CCNE1: variants seen among roughly 807,000 people sequenced by gnomAD.
The protein encoded by CCNE1 is G1/S-specific cyclin-E1.
In CCNE1, 8 loss-of-function variants were observed where a neutral mutation model predicts 54.1. The observed-to-expected ratio is 0.15, with a 90% CI of 0.09 to 0.27. The LOEUF (loss-of-function observed/expected upper bound fraction) is 0.27. CCNE1 is among the 10% of genes least tolerant of loss of function. The pLI, the probability that CCNE1 is intolerant of heterozygous loss-of-function variation, is 1.00. For missense variants in CCNE1, 430 were observed against 514.9 expected (o/e 0.84, Z 1.60); for synonymous variants, 179 against 185.2 (o/e 0.97, Z 0.27).
intron 4 of CCNE1, among the ~76,000 whole-genome samples, chr19:29,815,742 C>T (rs1234403273): frequency 3.3e-5 from 5 of 150,986 alleles, no homozygotes; most frequent in Non-Finnish European, 4.4e-5. Context: ...GATTCTCCTG[C>T]TTCAGCCTCC....
chr19:29,820,636 T>A (rs1974125953), intron 6 of CCNE1, 66 bp from the exon 7 acceptor site: 1 of 532,694 alleles, frequency 1.9e-6, no homozygotes, highest in African/African-American at 5.5e-5. Flanking sequence ...TCATTACAAG[T>A]TTTTTTTTTT....
At chr19:29,813,624 C>A (rs1973944713) in intron 4 of CCNE1, among the ~76,000 whole-genome samples, 1 of 152,180 alleles carries the variant, frequency 6.6e-6, no homozygotes, top group Non-Finnish European at 1.5e-5. Flanking sequence ...TCAGCCTGAC[C>A]TCAGCAAGAG....
At chr19:29,820,969 C>T (rs906658488) in intron 7 of CCNE1, 121 bp downstream of exon 7, 5 of 740,206 alleles carry the variant, frequency 6.8e-6, no homozygotes, top group Non-Finnish European at 1.1e-5. Context: ...GATTTGCTAC[C>T]CTGTAAAGTT....
intron 1 of CCNE1, 131 bp from the exon 2 acceptor site, chr19:29,812,401 G>A (rs1973910507): frequency 1.9e-6 from 1 of 526,888 alleles, no homozygotes; most frequent in Non-Finnish European, 2.8e-6. Flanking sequence ...CGGGTGCCCG[G>A]GTCGCGGGTG....
chr19:29,821,849 T>A, intron 8 of CCNE1, 32 bp downstream of exon 8: 1 of 1,550,646 alleles, frequency 6.4e-7, no homozygotes, highest in Non-Finnish European at 8.9e-7. Flanking sequence ...GGCCATTTTT[T>A]AAATGCGTAC....
intron 7 of CCNE1, among the ~76,000 whole-genome samples, chr19:29,821,496 C>A (rs1467674080): frequency 1.3e-5 from 2 of 149,890 alleles, no homozygotes; most frequent in African/African-American, 4.9e-5. Context: ...AGAGTACCCA[C>A]AATGAGTCAA....
intron 6 of CCNE1, among the ~76,000 whole-genome samples, chr19:29,819,997 G>A (rs1974112031): frequency 6.6e-6 from 1 of 152,238 alleles, no homozygotes; most frequent in African/African-American, 2.4e-5. Flanking sequence ...CTTAAAGAAA[G>A]CACTTCACGG....
rs748914866 is a variant in CCNE1, at chr19:29,822,499, A to G, written c.1006A>G (p.Met336Val). ...NCVKWMVPFAMVIRETGSSKL... is the reference protein window; with the variant it reads ...NCVKWMVPFAVVIRETGSSKL... ...TGTCAAGTGGATGGTTCCATTTGCC[A>G]TGGTTATAAGGGAGACGGGGAGCTC... is the stretch of plus-strand genomic sequence containing the variant. The change falls in exon 11 of 12, where the codon ATG (methionine) becomes GTG (valine). Residue 336 changes from methionine to valine, a missense_variant. Physicochemically the swap from Met to Val is conservative, Grantham distance 21. Around this residue, in one of 2 missense-constraint regions of CCNE1, gnomAD observed 303 missense variants for 401.1 expected, o/e 0.76. Coordinates refer to ENST00000262643, the MANE Select transcript of CCNE1 (RefSeq NM_001238.4). 9 of 1,614,012 alleles carry G rather than the reference A, an allele frequency of 5.6e-6. No homozygotes were observed. Among genetic ancestry groups the G allele is most frequent in the South Asian group, 1.1e-5 (1 of 91,088 alleles).
intron 4 of CCNE1, 41 bp from the exon 5 acceptor site, chr19:29,817,096 T>C (rs764883335): frequency 3.1e-6 from 5 of 1,600,098 alleles, no homozygotes; most frequent in Non-Finnish European, 4.3e-6. Context: ...AAGAGCTGTT[T>C]GCATCTTATC....
At chr19:29,822,410 C>T in intron 10 of CCNE1, 36 bp from the exon 11 acceptor site, 1 of 1,613,932 alleles carries the variant, frequency 6.2e-7, no homozygotes, top group Non-Finnish European at 8.5e-7. Flanking sequence ...ATCCAGTTGT[C>T]AGCCTCAGAT....
chr19:29,812,441 T>C, intron 1 of CCNE1, 91 bp from the exon 2 acceptor site: 1 of 924,946 alleles, frequency 1.1e-6, no homozygotes. Context: ...GCCATCTTCC[T>C]GGCTCGCCCG....
chr19:29,820,901 A>G (rs1462486755), intron 7 of CCNE1, 53 bp downstream of exon 7: 7 of 1,402,154 alleles, frequency 5.0e-6, no homozygotes, highest in East Asian at 4.6e-5. Context: ...CTCGAGCTCC[A>G]CTGAGATTGG....
intron 7 of CCNE1, 106 bp from the exon 8 acceptor site, chr19:29,821,616 T>A: frequency 1.1e-5 from 5 of 439,398 alleles, no homozygotes; most frequent in Admixed American, 3.4e-5. Context: ...CAGTGCGCCC[T>A]CTCTCTTTCC....
At position 29,822,142 on chromosome 19, in the gene CCNE1, C is replaced by T. The variant is rs776335278; in HGVS notation, c.840+12C>T. 7 of 1,612,338 alleles carry T rather than the reference C, an allele frequency of 4.3e-6. No individual in the cohort carries two copies. Among genetic ancestry groups the T allele is most frequent in the East Asian group, 2.2e-5 (1 of 44,868 alleles). Reference sequence around the variant, plus strand: ...TACAGATTGCAGAGGTAAGTGGCTCCATCACGTCCGTGGGGCCACCTTCCC... The same window carrying T: ...TACAGATTGCAGAGGTAAGTGGCTCTATCACGTCCGTGGGGCCACCTTCCC... On this transcript the variant is annotated intron_variant, in intron 9 of 11. Coordinates refer to ENST00000262643, the MANE Select transcript of CCNE1 (RefSeq NM_001238.4).
Position 29,812,541 on chromosome 19 carries a change from C to G in CCNE1, c.-15C>G. 1 of 1,463,658 alleles carries G rather than the reference C, an allele frequency of 6.8e-7. No individual in the cohort carries two copies. The highest frequency in any genetic ancestry group is 9.0e-7 in the Non-Finnish European group (1 of 1,115,556). 90.7% of individuals were successfully genotyped at this position (1,463,658 alleles called of 1,614,324 possible). ...CCGCGCCGCCCCGCAGGCCTCAGGC[C>G]GGAGCAGCCCCATCATGCCGAGGGA... On this transcript the variant is annotated 5_prime_UTR_variant, in exon 2 of 12. Transcript: ENST00000262643.
At chr19:29,822,691 C>T in intron 11 of CCNE1, 88 bp downstream of exon 11, 1 of 1,394,420 alleles carries the variant, frequency 7.2e-7, no homozygotes, top group South Asian at 1.3e-5. Context: ...GGCCTGTAAA[C>T]CCAGCACTTT....
intron 7 of CCNE1, among the ~76,000 whole-genome samples, chr19:29,821,345 C>T (rs1439383787): frequency 6.6e-6 from 1 of 152,108 alleles, no homozygotes; most frequent in African/African-American, 2.4e-5. Flanking sequence ...CGAGATCCTA[C>T]CACTGCACTC....
Position 29,817,160 on chromosome 19 carries a change from T to G in CCNE1, c.204T>G (p.Cys68Trp), listed in dbSNP as rs1288643920. 1.9e-6 allele frequency: 3 copies of G among 1,614,116 alleles called. No individual in the cohort carries two copies. The change falls in exon 5 of 12, where the codon TGT becomes TGG. Residue 68 changes from cysteine to tryptophan, a missense_variant. This residue lies in a region of CCNE1 where 127 missense variants were observed against 113.8 expected (regional missense o/e 1.12). Coordinates refer to ENST00000262643, the MANE Select transcript of CCNE1 (RefSeq NM_001238.4). Reference sequence around the variant, plus strand: ...AGCCTTGGGACAATAATGCAGTCTGTGCAGACCCCTGCTCCCTGATCCCCA... The same window carrying G: ...AGCCTTGGGACAATAATGCAGTCTGGGCAGACCCCTGCTCCCTGATCCCCA... The part of the protein sequence containing the change: ...GSQPWDNNAV[C>W]ADPCSLIPTP...
chr19:29,822,254 T>C lies in CCNE1; in HGVS notation c.855T>C (p.Cys285=). The C allele has an allele frequency of 1.2e-6, 2 of 1,613,906 alleles. No individual in the cohort carries two copies. The highest frequency in any genetic ancestry group is 1.7e-6 in the Non-Finnish European group (2 of 1,179,874). Residue 285 remains cysteine, a synonymous_variant, in exon 10 of 12, where the codon TGT becomes TGC. Transcript: ENST00000262643. The part of the protein sequence containing the change: ...FIQIAELLDL[C]VLDVDCLEFP... ...CTTCTCCGTAGCTGTTGGATCTCTG[T>C]GTCCTGGATGTTGACTGCCTTGAAT...
Sources: allele counts gnomAD v4.1 joint callset (sites outside exome capture counted in the v4.1 genomes callset), GRCh38; gene constraint gnomAD v4.1.1; regional missense constraint gnomAD v4.1.1; transcripts MANE v1.5; gene names NCBI Gene and HGNC (gene_info 2026-07-23, HGNC 2026-07-21).